The following CDH26 variants were observed in gnomAD, a reference collection of about 807,000 sequenced individuals.
CDH26 encodes cadherin-like protein 26.
In CDH26, 83 loss-of-function variants were observed where a neutral mutation model predicts 90.3. The ratio of observed to expected loss-of-function variants is 0.92; its 90% CI spans 0.77 to 1.10. The LOEUF is 1.10. Among genes scored for constraint, CDH26 ranks in the 50% least tolerant of loss-of-function variants. CDH26 has a pLI of 0.00. For synonymous variants in CDH26, 397 were observed against 396.3 expected, an observed-to-expected ratio of 1.00 and a Z score of -0.02; for missense variants, 1,013 against 1,037.6, an observed-to-expected ratio of 0.98 and a Z score of 0.33.
chr20:60,008,135 A>C (rs1470757836), intron 17 of CDH26, among the ~76,000 whole-genome samples: 4 of 152,164 alleles, frequency 2.6e-5, no homozygotes. Context: ...GTTGCAGGGC[A>C]GTGGGAACTC....
rs201634923 is a variant in CDH26, at chr20:60,001,392, G to T, written c.2147G>T (p.Arg716Leu). The T allele has an allele frequency of 1.9e-6, 3 of 1,613,818 alleles. No individual in the cohort carries two copies. The highest frequency in any genetic ancestry group is 2.5e-6 in the Non-Finnish European group (3 of 1,179,976). ...PSAASQSAQA[R>L]CALGSWGYGK... ...GCAGCGAGTCAGTCAGCCCAAGCAC[G>T]CTGTGCTCTGGGGAGCTGGGTGAGT... The change falls in exon 15 of 18, where the codon CGC becomes CTC. Residue 716 changes from arginine (R) to leucine (L), a missense_variant. By Grantham distance (102) the Arg-to-Leu change is moderately radical (BLOSUM62 -2). Transcript: ENST00000348616.
chr20:59,995,646 C>G (rs2061583396), intron 11 of CDH26, among the ~76,000 whole-genome samples, 187 bp from the exon 12 acceptor site: 1 of 152,218 alleles, frequency 6.6e-6, no homozygotes, highest in African/African-American at 2.4e-5. Context: ...TGAGGGTGGT[C>G]TTAGGAATCC....
chr20:59,996,123 G>C (rs1393489012), intron 12 of CDH26, 69 bp downstream of exon 12: 5 of 1,487,212 alleles, frequency 3.4e-6, no homozygotes, highest in Admixed American at 1.8e-5. Context: ...GGGGTAAGGG[G>C]CTTGCTGGGG....
chr20:60,015,955 G>C (rs2061902172), downstream of CDH26, among the ~76,000 whole-genome samples: 1 of 152,158 alleles, frequency 6.6e-6, no homozygotes, highest in Non-Finnish European at 1.5e-5. Flanking sequence ...TTAATTGCTT[G>C]AGTCTGTATT....
chr20:60,017,349 G>A (rs984453561), downstream of CDH26, among the ~76,000 whole-genome samples: 8 of 152,024 alleles, frequency 5.3e-5, no homozygotes, highest in Non-Finnish European at 8.8e-5. Flanking sequence ...TAGGTTGTAT[G>A]TGTTCAGGAA....
chr20:60,004,082 G>A (rs1210629540), intron 16 of CDH26, among the ~76,000 whole-genome samples: 1 of 152,204 alleles, frequency 6.6e-6, no homozygotes, highest in Non-Finnish European at 1.5e-5. Flanking sequence ...AACAGACTGA[G>A]GGCACAGCAT....
chr20:59,969,615 C>G (rs1475789268), intron 2 of CDH26, among the ~76,000 whole-genome samples: 1 of 152,202 alleles, frequency 6.6e-6, no homozygotes, highest in Non-Finnish European at 1.5e-5. Flanking sequence ...GAGTCTAAGT[C>G]ACTCTCTTTC....
intron 13 of CDH26, 21 bp downstream of exon 13, chr20:59,996,782 G>A: frequency 6.2e-7 from 1 of 1,614,070 alleles, no homozygotes; most frequent in African/African-American, 1.3e-5. Context: ...GTCATGCTTT[G>A]TGTCTTATGG....
At position 60,013,631 on chromosome 20, in the gene CDH26, C is replaced by G. The variant is rs1221237097; in HGVS notation, c.*901C>G. 1 of 152,160 alleles carries G rather than the reference C, an allele frequency of 6.6e-6. No homozygotes were observed. The highest frequency in any genetic ancestry group is 1.5e-5 in the Non-Finnish European group (1 of 68,030). The allele number at this position is 152,160 out of a possible 1,614,324, so 9.4% of individuals were successfully genotyped here. A position where few individuals can be genotyped will look rare whatever the true frequency, so the allele number is the denominator to read the frequency against. On this transcript the variant is annotated 3_prime_UTR_variant, in exon 18 of 18. Transcript: ENST00000348616. ...ACACTTTAATGCACATATTGGATAT[C>G]TAAAAGTCTACAGCCATATAAAAAT...
At chr20:59,975,559 A>G (rs1250091431) in intron 4 of CDH26, among the ~76,000 whole-genome samples, 1 of 152,208 alleles carries the variant, frequency 6.6e-6, no homozygotes, top group Non-Finnish European at 1.5e-5. Flanking sequence ...GGGCTTACAC[A>G]CTATTTAGGA....
chr20:59,996,447 C>T lies in CDH26; in HGVS notation c.1889-184C>T, dbSNP rs1373229221. ...TAGTATTATTGATTAATTCAACAAA[C>T]AGTTATGTAGCATCTACTGGTACCC... On this transcript the variant is annotated intron_variant, in intron 12 of 17. Coordinates refer to ENST00000348616, the MANE Select transcript of CDH26 (RefSeq NM_177980.4). 2.5e-6 allele frequency: 4 copies of T among 1,592,498 alleles called. No homozygotes were observed. The African/African-American group carries it at 4.0e-5, about 16-fold the overall frequency.
In CDH26 at chr20:60,021,916, A is replaced by ATATATATATC. The variant is rs1261005381; in HGVS notation, c.948-9314_948-9313insATATATATCT. ...CACACACATATATATATATATATAT[A>ATATATATATC]TCCTGACTATTTTCATAGGCCTTTC... On this transcript the variant is annotated intron_variant, in intron 7 of 8. Coordinates refer to the CDH26 transcript ENST00000370991. Among the ~76,000 whole-genome samples the ATATATATATC allele has an allele frequency of 2.8e-3, 272 of 96,062 alleles. 25 individuals carry two copies. The highest frequency in any genetic ancestry group is 3.7e-3 in the Non-Finnish European group (146 of 39,496). 63.0% of individuals were successfully genotyped at this position (96,062 alleles called of 152,430 possible). A position where few individuals can be genotyped will look rare whatever the true frequency, so the allele number is the denominator to read the frequency against.
At chr20:60,021,861 C>CACACACACACACACACACACACACACAT (rs2061955464) in intron 7 of CDH26, among the ~76,000 whole-genome samples, 1 of 68,846 alleles carries the variant, frequency 1.5e-5, no homozygotes, top group African/African-American at 4.5e-5. Context: ...CACACACACA[C>CACACACACACACACACACACACACACAT]ACACACACAC....
At chr20:59,968,053 G>C (rs199758830) in intron 1 of CDH26, among the ~76,000 whole-genome samples, 1,739 of 70,482 alleles carry the variant, frequency 0.025, 67 homozygotes, top group African/African-American at 0.09. Flanking sequence ...CTCTCTCTCT[G>C]TCTCTCTCTC....
At chr20:59,990,861 CTTTTCTTTTTTTT>C (rs376655277) in intron 9 of CDH26, among the ~76,000 whole-genome samples, 26 of 149,304 alleles carry the variant, frequency 1.7e-4, no homozygotes, top group Admixed American at 4.6e-4. Flanking sequence ...CCTACAATTT[CTTTTCTTTTTTTT>C]TTTTCTTTTT....
chr20:59,975,168 C>T (rs1352910751), intron 4 of CDH26, among the ~76,000 whole-genome samples: 1 of 152,112 alleles, frequency 6.6e-6, no homozygotes, highest in East Asian at 1.9e-4. Flanking sequence ...ACCCCTGTGA[C>T]CTTATTTGGA....
intron 1 of CDH26, among the ~76,000 whole-genome samples, chr20:59,960,326 G>T (rs1406527442): frequency 1.3e-5 from 2 of 152,114 alleles, no homozygotes; most frequent in African/African-American, 4.8e-5. Context: ...ACCAGTGAAT[G>T]AGGAAATGCG....
intron 13 of CDH26, among the ~76,000 whole-genome samples, chr20:59,998,970 T>A (rs894034941): frequency 6.6e-6 from 1 of 152,198 alleles, no homozygotes; most frequent in African/African-American, 2.4e-5. Context: ...ACCTTGCACA[T>A]CCACTCACCA....
intron 17 of CDH26, 113 bp from the exon 18 acceptor site, chr20:60,012,414 G>T (rs1031519918): frequency 1.2e-5 from 11 of 937,798 alleles, no homozygotes; most frequent in Non-Finnish European, 1.8e-5. Flanking sequence ...GAGGACACGG[G>T]GCCTGAGTGC....
Sources: allele counts gnomAD v4.1 joint callset (sites outside exome capture counted in the v4.1 genomes callset), GRCh38; gene constraint gnomAD v4.1.1; transcripts MANE v1.5; gene names NCBI Gene and HGNC (gene_info 2026-07-23, HGNC 2026-07-21).